Variants in ZDHHC15 observed in about 807,000 individuals in gnomAD.
ZDHHC15 encodes palmitoyltransferase ZDHHC15.
Under a neutral mutation model 31.7 loss-of-function variants are expected in ZDHHC15, and 19 were observed. That is an observed-to-expected ratio of 0.60 (90% CI 0.42 to 0.88). ZDHHC15 has a LOEUF of 0.88. Ranked by LOEUF, ZDHHC15 falls within the 40% of genes least tolerant of loss-of-function variation. The probability of loss-of-function intolerance (pLI) is 0.00; values close to 1 mark genes in which losing one functional copy is unlikely to be tolerated. For missense variants in ZDHHC15, 209 were observed against 251.2 expected (o/e 0.83, Z 1.14); for synonymous variants, 103 against 90.0 (o/e 1.14, Z -0.82).
chrX:75,468,871 T>C (rs185226351), intron 3 of ZDHHC15, among the ~76,000 whole-genome samples: 2 of 112,180 alleles, frequency 1.8e-5, no homozygotes, highest in East Asian at 5.6e-4. Context: ...TTTGGAGACA[T>C]GTCTATTCAA....
At chrX:75,391,872 G>T (rs1343281378) in intron 10 of ZDHHC15, among the ~76,000 whole-genome samples, 3 of 111,924 alleles carry the variant, frequency 2.7e-5, no homozygotes, top group Non-Finnish European at 5.6e-5. Flanking sequence ...AAGACTAAAA[G>T]ATGAACTGAT....
At chrX:75,397,741 G>C (rs1050201216) in intron 10 of ZDHHC15, among the ~76,000 whole-genome samples, 3 of 111,124 alleles carry the variant, frequency 2.7e-5, no homozygotes, top group African/African-American at 9.9e-5. Flanking sequence ...GAAACAACTT[G>C]ACCCACAGAG....
chrX:75,493,566 T>A (rs1045494921), intron 2 of ZDHHC15, among the ~76,000 whole-genome samples: 2 of 111,534 alleles, frequency 1.8e-5, no homozygotes, highest in Non-Finnish European at 3.8e-5. Context: ...CAGCAGCACA[T>A]CAAAAAGCTT....
intron 10 of ZDHHC15, among the ~76,000 whole-genome samples, chrX:75,394,395 G>A (rs1240074162): frequency 9.2e-6 from 1 of 108,588 alleles, no homozygotes; most frequent in Non-Finnish European, 1.9e-5. Flanking sequence ...TGTAAATGGA[G>A]TAAACTATAA....
At chrX:75,501,798 A>G (rs2085091509) in intron 2 of ZDHHC15, 1 of 110,764 alleles carries the variant, frequency 9.0e-6, no homozygotes, top group Admixed American at 9.7e-5. Flanking sequence ...GGATTATTTG[A>G]TGTTCTCTTA....
At chrX:75,454,058 G>A (rs1381382532) in intron 3 of ZDHHC15, among the ~76,000 whole-genome samples, 1 of 111,386 alleles carries the variant, frequency 9.0e-6, no homozygotes, top group Non-Finnish European at 1.9e-5. Flanking sequence ...GCAAGAGAAC[G>A]AAATAAAGAG....
rs142420431 is a variant in ZDHHC15, at chrX:75,446,917, A to T, written c.379+3885T>A. 1.3e-3 allele frequency among the ~76,000 whole-genome samples: 150 copies of T among 111,945 alleles called. 2 individuals carry two copies. The highest frequency in any genetic ancestry group is 4.7e-3 in the African/African-American group (146 of 30,807). On this transcript the variant is annotated intron_variant, in intron 4 of 11. Coordinates refer to ENST00000373367, the MANE Select transcript of ZDHHC15 (RefSeq NM_144969.3). ...CAATATATAAATTTTAGGGGCACAC[A>T]AACATTTGAAAAATAGCACTACAGC...
chrX:75,464,035 C>T (rs767998926), intron 3 of ZDHHC15, among the ~76,000 whole-genome samples: 1 of 111,991 alleles, frequency 8.9e-6, no homozygotes, highest in Admixed American at 9.5e-5. Context: ...GGAACCAACC[C>T]AAATGTCCAA....
intron 9 of ZDHHC15, among the ~76,000 whole-genome samples, chrX:75,420,932 C>A (rs1467031082): frequency 9.1e-6 from 1 of 110,293 alleles, no homozygotes; most frequent in Non-Finnish European, 1.9e-5. Context: ...GCACATGTAC[C>A]CCAGAACTTA....
At position 75,476,580 on chromosome X, in the gene ZDHHC15, T is replaced by G. The variant is rs576787079; in HGVS notation, c.258+2311A>C. Among the ~76,000 whole-genome samples the G allele has an allele frequency of 3.6e-5, 4 of 110,661 alleles. No homozygotes were observed. The South Asian group carries it at 1.5e-3, about 43-fold the overall frequency. On this transcript the variant is annotated intron_variant, in intron 3 of 11. Transcript: ENST00000373367. The stretch of plus-strand genomic sequence containing the variant: ...CACTTTCACTTCTGATATTAGTAAT[T>G]TACGTCTTCCTTTTTTCCTCCCTCC...
chrX:75,490,021 G>T (rs781173678), intron 2 of ZDHHC15, among the ~76,000 whole-genome samples: 9 of 111,572 alleles, frequency 8.1e-5, no homozygotes, highest in Non-Finnish European at 1.3e-4. Flanking sequence ...GAAATGAAGC[G>T]AGAAGAGAGG....
chrX:75,507,201 A>G (rs1447690961), intron 1 of ZDHHC15, among the ~76,000 whole-genome samples: 1 of 111,667 alleles, frequency 9.0e-6, no homozygotes, highest in Non-Finnish European at 1.9e-5. Context: ...GACAACGATA[A>G]TGACGATGAC....
intron 10 of ZDHHC15, among the ~76,000 whole-genome samples, chrX:75,416,748 G>A (rs2083553451): frequency 9.0e-6 from 1 of 111,640 alleles, no homozygotes; most frequent in Non-Finnish European, 1.9e-5. Context: ...GGAGAAAGGT[G>A]CAATGTTGCC....
intron 10 of ZDHHC15, among the ~76,000 whole-genome samples, chrX:75,396,383 T>C (rs1310834321): frequency 2.7e-5 from 3 of 111,406 alleles, no homozygotes; most frequent in African/African-American, 9.8e-5. Flanking sequence ...GGCAAACGGG[T>C]ACATGGAAAA....
chrX:75,508,401 T>G (rs942023986), intron 1 of ZDHHC15, among the ~76,000 whole-genome samples: 1 of 102,605 alleles, frequency 9.7e-6, no homozygotes, highest in Non-Finnish European at 2.0e-5. Context: ...CAGTGTTTGG[T>G]TTTTTTTGTC....
rs761527756 is a variant in ZDHHC15 at position 75,482,777 on chromosome X, T to G, written c.164-3792A>C. ...TTATGTTTATAAGCTTTATTGATAG[T>G]CCCTTTCAGATTTTGTTTGTTCCAT... is the stretch of plus-strand genomic sequence containing the variant. On this transcript the variant is annotated intron_variant, in intron 2 of 11. Transcript: ENST00000373367. Among the ~76,000 whole-genome samples, 5 of 110,770 alleles carry G rather than the reference T, an allele frequency of 4.5e-5. No individual in the cohort carries two copies. The South Asian group carries it at 1.9e-3, about 42-fold the overall frequency.
At chrX:75,450,005 G>A (rs1257745520) in intron 4 of ZDHHC15, among the ~76,000 whole-genome samples, 2 of 111,724 alleles carry the variant, frequency 1.8e-5, no homozygotes, top group African/African-American at 3.2e-5. Context: ...AATATTCATA[G>A]CAAATTGACT....
chrX:75,422,969 C>A (rs988038548), intron 8 of ZDHHC15, among the ~76,000 whole-genome samples: 3 of 72,332 alleles, frequency 4.1e-5, no homozygotes, highest in African/African-American at 5.5e-5. Flanking sequence ...CCCCACCCCA[C>A]AACAGGCCCC....
intron 10 of ZDHHC15, among the ~76,000 whole-genome samples, chrX:75,411,875 C>A (rs2083489201): frequency 9.0e-6 from 1 of 111,621 alleles, no homozygotes; most frequent in Non-Finnish European, 1.9e-5. Context: ...AACTGTATAC[C>A]TGATAAGGGG....
Sources: gnomAD v4.1 joint callset for allele counts (sites outside exome capture counted in the v4.1 genomes callset) on GRCh38, gnomAD v4.1.1 for gene constraint, MANE v1.5 for transcripts, NCBI Gene and HGNC (gene_info 2026-07-23, HGNC 2026-07-21) for gene names.